The following RPTOR variants were observed in gnomAD, a reference collection of about 807,000 sequenced individuals.
RPTOR encodes regulatory associated protein of MTOR complex 1.
RPTOR carries 21 observed loss-of-function variants against 169.9 expected under a neutral mutation model. The ratio of observed to expected loss-of-function variants is 0.12; its 90% CI spans 0.09 to 0.18. The LOEUF (loss-of-function observed/expected upper bound fraction) is 0.18, where lower values mean the gene tolerates loss of function less well. Among genes scored for constraint, RPTOR ranks in the 10% least tolerant of loss-of-function variants. The pLI is 1.00. For missense variants in RPTOR, 1,133 were observed against 1,855.9 expected (o/e 0.61, Z 7.16); for synonymous variants, 732 against 753.2 (o/e 0.97, Z 0.46).
At chr17:80,780,347 G>A (rs1025716577) in intron 6 of RPTOR, among the ~76,000 whole-genome samples, 3 of 152,250 alleles carry the variant, frequency 2.0e-5, no homozygotes, top group South Asian at 2.1e-4. Context: ...GGGGTCCAGC[G>A]AGAGACAGGG....
chr17:80,777,266 G>C (rs11150742), intron 6 of RPTOR, among the ~76,000 whole-genome samples: 41,326 of 151,640 alleles, frequency 0.27, 5,805 homozygotes, highest in African/African-American at 0.33. Flanking sequence ...GAAAGTGAAG[G>C]GGGAGCGGAG....
chr17:80,606,378 T>C (rs1471763270), intron 1 of RPTOR, among the ~76,000 whole-genome samples: 1 of 150,434 alleles, frequency 6.6e-6, no homozygotes, highest in Non-Finnish European at 1.5e-5. Flanking sequence ...GCCCTGCTAA[T>C]TTTTTTATTT....
intron 6 of RPTOR, among the ~76,000 whole-genome samples, chr17:80,788,629 C>T (rs1266328981): frequency 6.6e-6 from 1 of 152,064 alleles, no homozygotes; most frequent in African/African-American, 2.4e-5. Flanking sequence ...TATGTATTTT[C>T]ATTGTCTTTT....
chr17:80,561,217 C>A (rs1165710674), intron 1 of RPTOR, among the ~76,000 whole-genome samples: 1 of 147,576 alleles, frequency 6.8e-6, no homozygotes, highest in Non-Finnish European at 1.5e-5. Flanking sequence ...ATTACAGGCA[C>A]CTGCCACCAC....
intron 28 of RPTOR, among the ~76,000 whole-genome samples, chr17:80,955,054 A>T (rs1274402564): frequency 6.6e-6 from 1 of 152,268 alleles, no homozygotes; most frequent in Non-Finnish European, 1.5e-5. Context: ...TAAAAGGCAC[A>T]TGCAGTGTTC....
At chr17:80,830,971 C>G (rs2067497447) in intron 9 of RPTOR, among the ~76,000 whole-genome samples, 1 of 152,138 alleles carries the variant, frequency 6.6e-6, no homozygotes, top group Non-Finnish European at 1.5e-5. Context: ...TCTTGAACTC[C>G]TGAGCTCAGA....
chr17:80,810,716 T>C (rs1403687586), intron 7 of RPTOR, among the ~76,000 whole-genome samples: 1 of 152,224 alleles, frequency 6.6e-6, no homozygotes, highest in South Asian at 2.1e-4. Flanking sequence ...TAGATGAATT[T>C]GAGGAGAATT....
chr17:80,840,548 C>T (rs1322252204), intron 10 of RPTOR, among the ~76,000 whole-genome samples: 1 of 143,126 alleles, frequency 7.0e-6, no homozygotes, highest in Non-Finnish European at 1.5e-5. Context: ...CGGCAGCTCA[C>T]TCTCACCGCA....
intron 3 of RPTOR, among the ~76,000 whole-genome samples, chr17:80,656,997 A>T (rs2065684727): frequency 6.6e-6 from 1 of 152,244 alleles, no homozygotes; most frequent in Admixed American, 6.5e-5. Context: ...AAACAGCTAA[A>T]TTATCATGGG....
rs562255415 is a variant in RPTOR, at chr17:80,724,944, G to C, written c.508-5616G>C. On this transcript the variant is annotated intron_variant, in intron 4 of 33. Transcript: ENST00000306801. ...CCAGGGCTTCTTCCTGCCATGCCTT[G>C]CCACCACGCCCCTTGCCTCCCCTGG... is the stretch of plus-strand genomic sequence containing the variant. Among the ~76,000 whole-genome samples the C allele has an allele frequency of 2.6e-5, 4 of 152,336 alleles. No homozygotes were observed. In the South Asian group the frequency reaches 8.3e-4, roughly 32 times the overall value.
intron 19 of RPTOR, 25 bp downstream of exon 19, chr17:80,892,894 T>C: frequency 6.2e-7 from 1 of 1,610,948 alleles, no homozygotes; most frequent in African/African-American, 1.3e-5. Flanking sequence ...ATCGGGTTAT[T>C]GGATTGGGAG....
chr17:80,664,337 C>T lies in RPTOR; in HGVS notation c.348+20527C>T, dbSNP rs545653241. On this transcript the variant is annotated intron_variant, in intron 3 of 33. Transcript: ENST00000306801. The stretch of plus-strand genomic sequence containing the variant: ...TTTTCCCTAAGTAACAGAAGCAATC[C>T]TGAGAAAATAATTCTTACACTCAGT... 6.5e-4 allele frequency among the ~76,000 whole-genome samples: 99 copies of T among 152,310 alleles called. No individual in the cohort carries two copies. The Middle Eastern group carries it at 0.017, about 26-fold the overall frequency.
Position 80,961,131 on chromosome 17 carries a change from C to T in RPTOR, c.3606-263C>T, listed in dbSNP as rs971327701. The T allele has an allele frequency of 3.3e-5, 16 of 481,556 alleles. No homozygotes were observed. The East Asian group carries it at 5.1e-4, about 15-fold the overall frequency. The allele number at this position is 481,556 out of a possible 1,614,324, so 29.8% of individuals were successfully genotyped here. ...GTCTCTGGGCAGCTTCCATGTGGCTCAGACAGTCCTCCAGCGGCCTGACGG... is the reference window on the plus strand; with the variant it reads ...GTCTCTGGGCAGCTTCCATGTGGCTTAGACAGTCCTCCAGCGGCCTGACGG... On this transcript the variant is annotated intron_variant, in intron 30 of 33. Coordinates refer to ENST00000306801, the MANE Select transcript of RPTOR (RefSeq NM_020761.3).
At chr17:80,763,735 A>G (rs968049178) in intron 6 of RPTOR, among the ~76,000 whole-genome samples, 7 of 152,266 alleles carry the variant, frequency 4.6e-5, no homozygotes, top group Admixed American at 4.6e-4. Context: ...ATCCGGAAGA[A>G]TCAGCATCGT....
chr17:80,883,272 C>T (rs2068206077), intron 14 of RPTOR, 147 bp from the exon 15 acceptor site: 12 of 718,048 alleles, frequency 1.7e-5, no homozygotes, highest in South Asian at 8.4e-5. Flanking sequence ...GTAGAGTCCA[C>T]GTAAAATCCA....
chr17:80,882,721 C>T (rs1214801570), intron 14 of RPTOR, among the ~76,000 whole-genome samples: 1 of 152,174 alleles, frequency 6.6e-6, no homozygotes, highest in African/African-American at 2.4e-5. Context: ...GAAGTTGGCA[C>T]ACGTGTTGGC....
At chr17:80,950,502 AT>A (rs902818768) in intron 28 of RPTOR, among the ~76,000 whole-genome samples, 35 of 146,134 alleles carry the variant, frequency 2.4e-4, no homozygotes, top group Admixed American at 4.1e-4. Context: ...CGAACGTTGG[AT>A]TTTTTTTTTT....
intron 9 of RPTOR, among the ~76,000 whole-genome samples, chr17:80,831,390 C>T (rs2067501935): frequency 6.6e-6 from 1 of 152,228 alleles, no homozygotes; most frequent in Non-Finnish European, 1.5e-5. Flanking sequence ...TTTACCTCCA[C>T]TCTGTCCTAG....
intron 11 of RPTOR, among the ~76,000 whole-genome samples, chr17:80,851,511 C>T (rs1422780151): frequency 6.7e-6 from 1 of 148,716 alleles, no homozygotes; most frequent in African/African-American, 2.5e-5. Flanking sequence ...AAAAAAAAAA[C>T]AGTACTTAAC....
Sources: allele counts gnomAD v4.1 joint callset (sites outside exome capture counted in the v4.1 genomes callset), GRCh38; gene constraint gnomAD v4.1.1; transcripts MANE v1.5; gene names NCBI Gene and HGNC (gene_info 2026-07-23, HGNC 2026-07-21).